Variants in RALA observed in about 807,000 individuals in gnomAD.
RALA encodes the protein RAS like proto-oncogene A.
Under a neutral mutation model 24.0 loss-of-function variants are expected in RALA, and 5 were observed. The ratio of observed to expected loss-of-function variants is 0.21; its 90% CI spans 0.11 to 0.44. The LOEUF is 0.44. Among genes scored for constraint, RALA ranks in the 20% least tolerant of loss-of-function variants. The pLI is 0.99. For missense variants in RALA, 95 were observed against 241.2 expected, an observed-to-expected ratio of 0.39 and a Z score of 4.01; for synonymous variants, 77 against 83.8, an observed-to-expected ratio of 0.92 and a Z score of 0.44.
chr7:39,662,967 A>G (rs867078488), intron 1 of RALA, among the ~76,000 whole-genome samples: 7 of 152,346 alleles, frequency 4.6e-5, no homozygotes, highest in Non-Finnish European at 7.3e-5. Context: ...AGGCCTCACA[A>G]TCATGGCAGA....
chr7:39,681,841 T>C (rs1475394896), intron 1 of RALA, among the ~76,000 whole-genome samples: 1 of 152,200 alleles, frequency 6.6e-6, no homozygotes, highest in Admixed American at 6.5e-5. Context: ...TCAACTCTAG[T>C]TGAAATGTCT....
intron 3 of RALA, among the ~76,000 whole-genome samples, chr7:39,693,168 C>T (rs947781852): frequency 6.6e-6 from 1 of 152,152 alleles, no homozygotes; most frequent in Non-Finnish European, 1.5e-5. Context: ...GGAATCAACT[C>T]AAATGTCCAT....
rs938605765 is a variant in RALA, at chr7:39,707,947, G to A, written c.*1702G>A. 7 of 152,524 alleles carry A rather than the reference G, an allele frequency of 4.6e-5. No individual in the cohort carries two copies. The highest frequency in any genetic ancestry group is 1.7e-4 in the African/African-American group (7 of 41,376). The allele number at this position is 152,524 out of a possible 1,614,324, so 9.4% of individuals were successfully genotyped here. On this transcript the variant is annotated 3_prime_UTR_variant, in exon 5 of 5. Transcript: ENST00000005257. ...CTTATTACAGTCTTATTTAACCAGGGGTCCTAACCACTAACATTGTGACTT... is the reference window on the plus strand; with the variant it reads ...CTTATTACAGTCTTATTTAACCAGGAGTCCTAACCACTAACATTGTGACTT...
At chr7:39,691,234 C>G (rs1241558486) in intron 3 of RALA, among the ~76,000 whole-genome samples, 1 of 151,992 alleles carries the variant, frequency 6.6e-6, no homozygotes, top group African/African-American at 2.4e-5. Flanking sequence ...AGAGGTGCTC[C>G]TCTATATTTA....
intron 1 of RALA, among the ~76,000 whole-genome samples, chr7:39,684,734 A>G (rs1384561344): frequency 1.3e-5 from 2 of 152,100 alleles, no homozygotes; most frequent in Admixed American, 6.5e-5. Context: ...AAAAAGAAAA[A>G]AAAAAGTTGC....
intron 1 of RALA, among the ~76,000 whole-genome samples, chr7:39,660,409 A>AT (rs1792167529): frequency 6.6e-6 from 1 of 152,138 alleles, no homozygotes; most frequent in Non-Finnish European, 1.5e-5. Context: ...CATAACACTT[A>AT]TAAGAGGCAG....
chr7:39,659,794 A>C (rs970999243), intron 1 of RALA, among the ~76,000 whole-genome samples: 1 of 152,208 alleles, frequency 6.6e-6, no homozygotes, highest in African/African-American at 2.4e-5. Flanking sequence ...GCTTCCTTCT[A>C]TCTCTCACTA....
intron 1 of RALA, among the ~76,000 whole-genome samples, chr7:39,646,696 C>G (rs977183098): frequency 2.0e-5 from 3 of 152,208 alleles, no homozygotes; most frequent in Admixed American, 2.0e-4. Context: ...TAAGTGTGTA[C>G]TCTCAAATTT....
chr7:39,678,015 G>C (rs1420193827), intron 1 of RALA, among the ~76,000 whole-genome samples: 1 of 147,000 alleles, frequency 6.8e-6, no homozygotes, highest in Non-Finnish European at 1.5e-5. Flanking sequence ...GACACAGGAA[G>C]GGGAATATCA....
At chr7:39,630,310 C>G (rs1023477896) in intron 1 of RALA, among the ~76,000 whole-genome samples, 2 of 151,406 alleles carry the variant, frequency 1.3e-5, no homozygotes, top group African/African-American at 4.9e-5. Flanking sequence ...CTTCAGCTTC[C>G]CACAGTGCTG....
At chr7:39,690,989 T>C (rs1187924858) in intron 3 of RALA, among the ~76,000 whole-genome samples, 2 of 152,224 alleles carry the variant, frequency 1.3e-5, no homozygotes, top group Non-Finnish European at 2.9e-5. Context: ...TATGTAATGC[T>C]CAGTAGGCAC....
chr7:39,642,432 C>T (rs1184076947), intron 1 of RALA, among the ~76,000 whole-genome samples: 2 of 152,122 alleles, frequency 1.3e-5, no homozygotes, highest in Admixed American at 6.5e-5. Flanking sequence ...GAATTTATAT[C>T]CTATATCCTG....
At chr7:39,687,984 C>G (rs183419418) in intron 2 of RALA, among the ~76,000 whole-genome samples, 2 of 151,962 alleles carry the variant, frequency 1.3e-5, no homozygotes, top group African/African-American at 4.8e-5. Context: ...ACTCTGTTGC[C>G]CAGGGCGATC....
chr7:39,637,893 A>G (rs1791711678), intron 1 of RALA, among the ~76,000 whole-genome samples: 1 of 152,220 alleles, frequency 6.6e-6, no homozygotes, highest in Non-Finnish European at 1.5e-5. Context: ...ATTTGAAAGT[A>G]AGTTGGAGAA....
intron 4 of RALA, among the ~76,000 whole-genome samples, chr7:39,697,889 G>A (rs986946782): frequency 6.6e-6 from 1 of 152,086 alleles, no homozygotes; most frequent in African/African-American, 2.4e-5. Context: ...TCTGTACAAA[G>A]TGAGTACTAC....
chr7:39,680,734 A>G lies in RALA; in HGVS notation c.-37-5897A>G, dbSNP rs147563886. Among the ~76,000 whole-genome samples the G allele has an allele frequency of 6.2e-3, 942 of 152,122 alleles. 13 individuals carry two copies. Among genetic ancestry groups the G allele is most frequent in the African/African-American group, 0.022 (915 of 41,506 alleles). On this transcript the variant is annotated intron_variant, in intron 1 of 4. Coordinates refer to ENST00000005257, the MANE Select transcript of RALA (RefSeq NM_005402.4). ...TTTATTTTTTTCCAGTTGGCTTGACAATTGTCCAAACACTACCTGTTGAAT... is the reference window on the plus strand; with the variant it reads ...TTTATTTTTTTCCAGTTGGCTTGACGATTGTCCAAACACTACCTGTTGAAT...
chr7:39,685,982 G>C lies in RALA; in HGVS notation c.-37-649G>C, dbSNP rs185736317. 1.9e-3 allele frequency among the ~76,000 whole-genome samples: 283 copies of C among 152,292 alleles called. 2 individuals carry two copies. Among genetic ancestry groups the C allele is most frequent in the African/African-American group, 6.6e-3 (275 of 41,556 alleles). ...GCACTTTGGGAGGCCAAGGCAGGCG[G>C]ATCATTAGAGGCCAGGAGTTTGAGA... On this transcript the variant is annotated intron_variant, in intron 1 of 4. Coordinates refer to ENST00000005257, the MANE Select transcript of RALA (RefSeq NM_005402.4).
chr7:39,670,123 A>G (rs1002243257), intron 1 of RALA, among the ~76,000 whole-genome samples: 1 of 152,202 alleles, frequency 6.6e-6, no homozygotes, highest in African/African-American at 2.4e-5. Flanking sequence ...TAAAGATTAG[A>G]TCTATTAAAC....
chr7:39,639,215 A>G (rs1471554511), intron 1 of RALA, among the ~76,000 whole-genome samples: 4 of 152,242 alleles, frequency 2.6e-5, no homozygotes, highest in African/African-American at 9.6e-5. Context: ...AAACACTTCT[A>G]AACATTGAAA....
Sources: gnomAD v4.1 joint callset for allele counts (sites outside exome capture counted in the v4.1 genomes callset) on GRCh38, gnomAD v4.1.1 for gene constraint, MANE v1.5 for transcripts, NCBI Gene and HGNC (gene_info 2026-07-23, HGNC 2026-07-21) for gene names.